The following CDH13 variants were observed in gnomAD, a reference collection of about 807,000 sequenced individuals.
CDH13 encodes the protein cadherin-13.
A neutral mutation model predicts 63.8 loss-of-function variants in CDH13; 24 were observed. That is an observed-to-expected ratio of 0.38 (90% CI 0.27 to 0.53). The LOEUF (loss-of-function observed/expected upper bound fraction) is 0.53. CDH13 is among the 20% of genes least tolerant of loss of function. The pLI is 0.85. For synonymous variants in CDH13, 503 were observed against 355.3 expected (o/e 1.42, Z -4.67); for missense variants, 1,049 against 903.1 (o/e 1.16, Z -2.07).
At chr16:83,454,243 T>C (rs1203418854) in intron 6 of CDH13, among the ~76,000 whole-genome samples, 1 of 152,204 alleles carries the variant, frequency 6.6e-6, no homozygotes, top group Non-Finnish European at 1.5e-5. Context: ...TTAAATTACA[T>C]CCATCTCTGG....
At chr16:83,263,297 C>G (rs920507703) in intron 5 of CDH13, among the ~76,000 whole-genome samples, 4 of 152,226 alleles carry the variant, frequency 2.6e-5, no homozygotes, top group Admixed American at 1.3e-4. Context: ...TGTCTGCTTG[C>G]TCCTCAAACA....
intron 2 of CDH13, among the ~76,000 whole-genome samples, chr16:82,918,146 G>A (rs976262526): frequency 1.2e-4 from 18 of 152,156 alleles, no homozygotes; most frequent in Admixed American, 2.0e-4. Context: ...CACAGGTGCC[G>A]GGTACCTCCT....
chr16:82,849,042 A>C (rs1397871068), intron 1 of CDH13, among the ~76,000 whole-genome samples: 1 of 152,206 alleles, frequency 6.6e-6, no homozygotes, highest in Non-Finnish European at 1.5e-5. Flanking sequence ...ATAGATGATC[A>C]AACCAGCCGC....
At chr16:83,093,907 G>A (rs994676563) in intron 3 of CDH13, among the ~76,000 whole-genome samples, 1 of 152,182 alleles carries the variant, frequency 6.6e-6, no homozygotes, top group Admixed American at 6.5e-5. Flanking sequence ...CGTAAAAGAG[G>A]CAGAAAGGAA....
intron 5 of CDH13, among the ~76,000 whole-genome samples, chr16:83,276,353 C>T (rs2088987903): frequency 6.6e-6 from 1 of 152,148 alleles, no homozygotes; most frequent in African/African-American, 2.4e-5. Flanking sequence ...TGTTCTCTGT[C>T]TTCTCTTCAC....
At chr16:82,917,958 T>C (rs2042042822) in intron 2 of CDH13, among the ~76,000 whole-genome samples, 1 of 147,356 alleles carries the variant, frequency 6.8e-6, no homozygotes, top group South Asian at 2.1e-4. Context: ...TGGATGCACA[T>C]GTGAGGAGCA....
At chr16:83,140,420 A>G (rs971663106) in intron 4 of CDH13, among the ~76,000 whole-genome samples, 1 of 152,156 alleles carries the variant, frequency 6.6e-6, no homozygotes, top group Non-Finnish European at 1.5e-5. Flanking sequence ...GCAGGGACCC[A>G]CAGATAGGTC....
chr16:82,806,941 G>A (rs1362255932), intron 1 of CDH13, among the ~76,000 whole-genome samples: 1 of 152,156 alleles, frequency 6.6e-6, no homozygotes, highest in East Asian at 1.9e-4. Context: ...TGTGGGCATA[G>A]CAGTCATCAT....
rs374017580 is a variant in CDH13, at chr16:83,200,921, ATGTGTGTGTGTGTGTGTG to A, written c.484-16390_484-16373del. On this transcript the variant is annotated intron_variant, in intron 4 of 13. Coordinates refer to ENST00000567109, the MANE Select transcript of CDH13 (RefSeq NM_001257.5). Reference sequence around the variant, plus strand: ...GGAGCAAGATTCTCTAGTCTTAAAAATGTGTGTGTGTGTGTGTGTGTGTGTGTGTGTGTGTGTGTGTGT... The same window carrying A: ...GGAGCAAGATTCTCTAGTCTTAAAAATGTGTGTGTGTGTGTGTGTGTGTGT... 2.7e-3 allele frequency among the ~76,000 whole-genome samples: 349 copies of A among 129,750 alleles called. 4 individuals are homozygous for A. The highest frequency in any genetic ancestry group is 6.8e-3 in the African/African-American group (241 of 35,444). 85.1% of individuals were successfully genotyped at this position (129,750 alleles called of 152,430 possible).
intron 2 of CDH13, among the ~76,000 whole-genome samples, chr16:82,881,210 T>A (rs1308815110): frequency 6.6e-6 from 1 of 152,198 alleles, no homozygotes; most frequent in Non-Finnish European, 1.5e-5. Flanking sequence ...AGGCTTCCGT[T>A]CGTGTCTCTG....
chr16:83,702,071 A>G lies in CDH13; in HGVS notation c.1538+23610A>G, dbSNP rs376436792. Reference sequence around the variant, plus strand: ...GGAACATAGAAAGAACCCAATACATATTAACTATTATTGTAATCTGTCAAG... The same window carrying G: ...GGAACATAGAAAGAACCCAATACATGTTAACTATTATTGTAATCTGTCAAG... On this transcript the variant is annotated intron_variant, in intron 10 of 13. Transcript: ENST00000567109. Among the ~76,000 whole-genome samples the G allele has an allele frequency of 2.0e-5, 3 of 152,316 alleles. No homozygotes were observed. In the East Asian group the frequency reaches 5.8e-4, roughly 29 times the overall value.
intron 1 of CDH13, among the ~76,000 whole-genome samples, chr16:82,800,617 A>G (rs765770762): frequency 6.6e-6 from 1 of 152,220 alleles, no homozygotes; most frequent in South Asian, 2.1e-4. Context: ...TCTTCTAAAT[A>G]ATGGGTCCTG....
At position 82,962,705 on chromosome 16, in the gene CDH13, C is replaced by T. The variant is rs537602923; in HGVS notation, c.158-69305C>T. On this transcript the variant is annotated intron_variant, in intron 2 of 13. Transcript: ENST00000567109. ...ACACATCCAGTGATGATTCTTCTGT[C>T]GACATTTCATTTCTGAAAACTGGTT... 1.7e-4 allele frequency among the ~76,000 whole-genome samples: 26 copies of T among 152,222 alleles called. No homozygotes were observed. In the South Asian group the frequency reaches 4.6e-3, roughly 27 times the overall value.
chr16:83,748,518 G>A (rs117042539), intron 11 of CDH13, among the ~76,000 whole-genome samples: 1 of 152,294 alleles, frequency 6.6e-6, no homozygotes, highest in East Asian at 1.9e-4. Context: ...CAGGCGTGGA[G>A]GTTAGAAAGC....
intron 1 of CDH13, among the ~76,000 whole-genome samples, chr16:82,668,448 G>T (rs570349638): frequency 6.6e-6 from 1 of 152,136 alleles, no homozygotes; most frequent in Non-Finnish European, 1.5e-5. Flanking sequence ...AGCCTGAACT[G>T]GTAAAGGGGG....
rs570160523 is a variant in CDH13 at position 83,253,036 on chromosome 16, T to G, written c.636+35539T>G. 1.2e-3 allele frequency among the ~76,000 whole-genome samples: 184 copies of G among 152,264 alleles called. 1 individual carries two copies. The highest frequency in any genetic ancestry group is 4.2e-3 in the African/African-American group (173 of 41,530). On this transcript the variant is annotated intron_variant, in intron 5 of 13. Coordinates refer to ENST00000567109, the MANE Select transcript of CDH13 (RefSeq NM_001257.5). ...AATTGAGGTATTGCGTGCCAAACCC[T>G]TAGCACAGCACCTGGCACAGAGTAA...
At chr16:83,276,227 T>C (rs1051754549) in intron 5 of CDH13, among the ~76,000 whole-genome samples, 11 of 152,164 alleles carry the variant, frequency 7.2e-5, no homozygotes, top group African/African-American at 2.7e-4. Context: ...ATTTCATTTA[T>C]CAAGCTGATA....
intron 5 of CDH13, among the ~76,000 whole-genome samples, chr16:83,223,319 A>G (rs2039751880): frequency 6.6e-6 from 1 of 152,234 alleles, no homozygotes; most frequent in African/African-American, 2.4e-5. Flanking sequence ...AGAAAGTGGA[A>G]GGGCCAAAAG....
intron 11 of CDH13, among the ~76,000 whole-genome samples, chr16:83,755,744 T>C (rs1029060242): frequency 2.3e-5 from 3 of 128,448 alleles, no homozygotes; most frequent in African/African-American, 8.1e-5. Flanking sequence ...TTAAAGACTT[T>C]TGGGGCAAAA....
Sources: allele counts gnomAD v4.1 joint callset (sites outside exome capture counted in the v4.1 genomes callset), GRCh38; gene constraint gnomAD v4.1.1; transcripts MANE v1.5; gene names NCBI Gene and HGNC (gene_info 2026-07-23, HGNC 2026-07-21).